The following TSPAN15 variants were observed in gnomAD, a reference collection of about 807,000 sequenced individuals.
TSPAN15 encodes the protein tetraspanin 15, also known as tetraspanin-15.
A neutral mutation model predicts 34.5 loss-of-function variants in TSPAN15; 20 were observed. The ratio of observed to expected loss-of-function variants is 0.58; its 90% confidence interval spans 0.41 to 0.84. The LOEUF (loss-of-function observed/expected upper bound fraction) is 0.84, where lower values mean the gene tolerates loss of function less well. TSPAN15 is among the 40% of genes least tolerant of loss of function. The pLI is 0.00. For synonymous variants in TSPAN15, 155 were observed against 153.9 expected (o/e 1.01, Z -0.05); for missense variants, 313 against 386.1 (o/e 0.81, Z 1.59).
rs750879012 is a variant in TSPAN15 at position 69,483,740 on chromosome 10, G to A, written c.146G>A (p.Arg49Gln). The change falls in exon 2 of 8, where the codon CGG becomes CAG. Residue 49 changes from arginine to glutamine, a missense_variant. By Grantham distance (43) the Arg-to-Gln change is conservative. Coordinates refer to ENST00000373290, the MANE Select transcript of TSPAN15 (RefSeq NM_012339.5). ...LSVGIYAEVERQKYKTLESAF... is the reference protein window; with the variant it reads ...LSVGIYAEVEQQKYKTLESAF... ...GTGGGCATCTATGCAGAGGTTGAGC[G>A]GCAGAAATATAAAACCCTTGAAAGT... 82 of 1,614,036 alleles carry A rather than the reference G, an allele frequency of 5.1e-5. No individual in the cohort carries two copies. Among genetic ancestry groups the A allele is most frequent in the Non-Finnish European group, 6.2e-5 (73 of 1,180,032 alleles).
intron 5 of TSPAN15, among the ~76,000 whole-genome samples, chr10:69,501,823 G>A (rs1001488464): frequency 6.6e-5 from 10 of 152,174 alleles, no homozygotes; most frequent in African/African-American, 2.2e-4. Flanking sequence ...TACACCTCCT[G>A]TCACATCAGC....
the TSPAN15 span, among the ~76,000 whole-genome samples, chr10:69,537,458 A>G: frequency 3.9e-5 from 6 of 152,182 alleles, no homozygotes; most frequent in Non-Finnish European, 7.3e-5. Flanking sequence ...TCATCTCACA[A>G]TTATGGAGGC....
intron 1 of TSPAN15, among the ~76,000 whole-genome samples, chr10:69,466,950 C>T (rs1050540741): frequency 2.6e-5 from 4 of 152,184 alleles, no homozygotes; most frequent in South Asian, 2.1e-4. Flanking sequence ...AGTGGCCCAG[C>T]GCCTGCAGCT....
intron 5 of TSPAN15, 107 bp downstream of exon 5, chr10:69,498,503 G>T (rs1230974165): frequency 1.3e-5 from 12 of 903,966 alleles, no homozygotes; most frequent in Middle Eastern, 2.4e-4. Context: ...TGGGTGGATG[G>T]CAGGGAAGTA....
At position 69,506,346 on chromosome 10, in the gene TSPAN15, C is replaced by T; in HGVS notation, c.735+106C>T. ...AGGCTTTTTTCATAGAAGTCCAGGA[C>T]TTGCCTGGGGAGGGCTGCATGGCTG... On this transcript the variant is annotated intron_variant, in intron 7 of 7. Coordinates refer to ENST00000373290, the MANE Select transcript of TSPAN15 (RefSeq NM_012339.5). This position sits in a 1 kb window ranked among gnomAD's most constrained non-coding sequence, Gnocchi z 4.7. 1 of 1,112,190 alleles carries T rather than the reference C, an allele frequency of 9.0e-7. No individual in the cohort carries two copies. The allele number at this position is 1,112,190 out of a possible 1,614,324, so 68.9% of individuals were successfully genotyped here. A position where few individuals can be genotyped will look rare whatever the true frequency, so the allele number is the denominator to read the frequency against.
chr10:69,460,237 G>T (rs1160579644), intron 1 of TSPAN15, among the ~76,000 whole-genome samples: 1 of 151,830 alleles, frequency 6.6e-6, no homozygotes, highest in Non-Finnish European at 1.5e-5. Flanking sequence ...CTTAGTTTCT[G>T]GGCTACCATG....
chr10:69,458,622 C>T (rs1377644312), intron 1 of TSPAN15, among the ~76,000 whole-genome samples: 1 of 152,098 alleles, frequency 6.6e-6, no homozygotes, highest in Non-Finnish European at 1.5e-5. Context: ...CAGAGATGAT[C>T]TCATAGCATC....
At chr10:69,549,064 T>A in the TSPAN15 span, among the ~76,000 whole-genome samples, 1 of 150,038 alleles carries the variant, frequency 6.7e-6, no homozygotes, top group Admixed American at 6.7e-5. Context: ...TACAATAAAA[T>A]CAAGCACTCA....
At chr10:69,452,581 T>G (rs1840998005) in intron 1 of TSPAN15, among the ~76,000 whole-genome samples, 2 of 152,174 alleles carry the variant, frequency 1.3e-5, no homozygotes. Context: ...TGGTGCCTAG[T>G]GAAGAGCTCA....
rs779262807 is a variant in TSPAN15 at position 69,451,574 on chromosome 10, CCCGCGCGGGGAGCGCCCAGGATG to C, written c.-9_14del. On this transcript the variant is annotated start_lost and 5_prime_UTR_variant, in exon 1 of 8. Coordinates refer to ENST00000373290, the MANE Select transcript of TSPAN15 (RefSeq NM_012339.5). ...CCGGAGAGCCCCGGAGCCCCCGTAACCCGCGCGGGGAGCGCCCAGGATGCCGCGCGGGGACTCGGAGCAGGTGC... is the reference window on the plus strand; with the variant it reads ...CCGGAGAGCCCCGGAGCCCCCGTAACCCGCGCGGGGACTCGGAGCAGGTGC... 5.6e-6 allele frequency: 8 copies of C among 1,438,888 alleles called. No homozygotes were observed. Among genetic ancestry groups the C allele is most frequent in the East Asian group, 5.6e-5 (2 of 35,502 alleles). The allele number at this position is 1,438,888 out of a possible 1,614,324, so 89.1% of individuals were successfully genotyped here.
At chr10:69,467,759 C>G (rs367938400) in intron 1 of TSPAN15, among the ~76,000 whole-genome samples, 1 of 152,090 alleles carries the variant, frequency 6.6e-6, no homozygotes, top group Non-Finnish European at 1.5e-5. Flanking sequence ...ACACCATTAT[C>G]ATGCCTAAGA....
intron 6 of TSPAN15, among the ~76,000 whole-genome samples, chr10:69,505,700 G>A (rs1344377067): frequency 2.6e-5 from 4 of 152,038 alleles, no homozygotes; most frequent in African/African-American, 9.6e-5. Context: ...TGGCCACCAT[G>A]CCCAACTCTG....
chr10:69,473,233 C>T (rs1044108131), intron 1 of TSPAN15, among the ~76,000 whole-genome samples: 1 of 152,154 alleles, frequency 6.6e-6, no homozygotes. Flanking sequence ...GATCATGGCT[C>T]GCTATAGCCT....
rs186968143 is a variant in TSPAN15 at position 69,491,233 on chromosome 10, T to A, written c.358-4361T>A. ...TGTCACATTGGGCTTCTATTGGGAC[T>A]GGAGCAGAGGCTAGGGTCCGGGGGC... On this transcript the variant is annotated intron_variant, in intron 3 of 7. Coordinates refer to ENST00000373290, the MANE Select transcript of TSPAN15 (RefSeq NM_012339.5). Among the ~76,000 whole-genome samples, 546 of 152,334 alleles carry A rather than the reference T, an allele frequency of 3.6e-3. 20 individuals carry two copies. Among genetic ancestry groups the A allele is most frequent in the Admixed American group, 0.03 (461 of 15,298 alleles).
intron 1 of TSPAN15, among the ~76,000 whole-genome samples, chr10:69,457,857 T>C (rs10998790): frequency 0.33 from 50,404 of 152,096 alleles, 8,714 homozygotes; most frequent in South Asian, 0.37. Flanking sequence ...TGGCACATGA[T>C]GAACACTCCA....
At chr10:69,493,609 A>G (rs766236175) in intron 3 of TSPAN15, among the ~76,000 whole-genome samples, 11 of 151,228 alleles carry the variant, frequency 7.3e-5, no homozygotes, top group Non-Finnish European at 1.2e-4. Flanking sequence ...AGTAGCTGGG[A>G]CTACAGGCGC....
chr10:69,460,012 T>A (rs10998792), intron 1 of TSPAN15, among the ~76,000 whole-genome samples: 1 of 140,322 alleles, frequency 7.1e-6, no homozygotes, highest in African/African-American at 2.7e-5. Context: ...TCAGGGGTAG[T>A]TGGGGAGATG....
chr10:69,499,612 G>T (rs1030143386), intron 5 of TSPAN15, among the ~76,000 whole-genome samples: 1 of 152,208 alleles, frequency 6.6e-6, no homozygotes, highest in Non-Finnish European at 1.5e-5. Context: ...GGTTCTGGGG[G>T]TGTAGCAAAC....
At chr10:69,480,913 C>T (rs1022543477) in intron 1 of TSPAN15, among the ~76,000 whole-genome samples, 1 of 152,094 alleles carries the variant, frequency 6.6e-6, no homozygotes, top group Non-Finnish European at 1.5e-5. Flanking sequence ...GGCCAGGCTG[C>T]TCTCGAACTC....
Sources: allele counts gnomAD v4.1 joint callset (sites outside exome capture counted in the v4.1 genomes callset), GRCh38; gene constraint gnomAD v4.1.1; non-coding constraint Gnocchi (gnomAD v3.1); transcripts MANE v1.5; gene names NCBI Gene and HGNC (gene_info 2026-07-23, HGNC 2026-07-21).